ABCA12: variants seen among roughly 807,000 people sequenced by gnomAD.
ABCA12 encodes the protein ATP binding cassette subfamily A member 12.
A neutral mutation model predicts 293.5 loss-of-function variants in ABCA12; 156 were observed. The ratio of observed to expected loss-of-function variants is 0.53; its 90% CI spans 0.47 to 0.61. The LOEUF (loss-of-function observed/expected upper bound fraction) is 0.61. Ranked by LOEUF, ABCA12 falls within the 20% of genes least tolerant of loss-of-function variation. The probability of loss-of-function intolerance (pLI) is 0.00; values close to 1 mark genes in which losing one functional copy is unlikely to be tolerated. For missense variants in ABCA12, 2,797 were observed against 3,090.2 expected, an observed-to-expected ratio of 0.91 and a Z score of 2.25; for synonymous variants, 1,063 against 1,108.0, an observed-to-expected ratio of 0.96 and a Z score of 0.81.
At chr2:215,090,481 T>C (rs1380329094) in intron 2 of ABCA12, among the ~76,000 whole-genome samples, 1 of 152,178 alleles carries the variant, frequency 6.6e-6, no homozygotes, top group Non-Finnish European at 1.5e-5. Flanking sequence ...CTCTAACCTC[T>C]CTTGCTATCC....
intron 2 of ABCA12, among the ~76,000 whole-genome samples, chr2:215,086,208 T>C (rs970823759): frequency 8.5e-5 from 13 of 152,220 alleles, no homozygotes; most frequent in African/African-American, 3.1e-4. Flanking sequence ...TACAATGGGT[T>C]AAGTACATTA....
At chr2:214,942,349 A>G (rs2105916805) in intron 50 of ABCA12, among the ~76,000 whole-genome samples, 1 of 152,306 alleles carries the variant, frequency 6.6e-6, no homozygotes, top group Admixed American at 6.5e-5. Context: ...AAAAGTATAA[A>G]ATATTCTGAA....
At chr2:214,991,136 G>A in intron 23 of ABCA12, 105 bp from the exon 24 acceptor site, 1 of 1,005,704 alleles carries the variant, frequency 9.9e-7, no homozygotes, top group Non-Finnish European at 1.5e-6. Flanking sequence ...TCTGTATATG[G>A]AACTAGGCAT....
At chr2:215,016,135 C>A (rs550010280) in intron 14 of ABCA12, among the ~76,000 whole-genome samples, 101 of 151,736 alleles carry the variant, frequency 6.7e-4, no homozygotes, top group African/African-American at 2.3e-3. Flanking sequence ...CAGGGTGAGA[C>A]TCTGTCTCAA....
rs1455398829 is a variant in ABCA12 at position 215,104,764 on chromosome 2, A to AGAAG, written c.163+6832_163+6833insCTTC. On this transcript the variant is annotated intron_variant, in intron 2 of 52. Transcript: ENST00000272895. ...CAAGAAGCAGGCTGTTAATGCTCCT[A>AGAAG]CACAAAAAATCTCTCCTACATATTT... Among the ~76,000 whole-genome samples the AGAAG allele has an allele frequency of 3.3e-5, 5 of 152,312 alleles. No homozygotes were observed. In the East Asian group the frequency reaches 9.6e-4, roughly 29 times the overall value.
intron 41 of ABCA12, among the ~76,000 whole-genome samples, chr2:214,957,064 C>T (rs1056341450): frequency 6.6e-6 from 1 of 152,186 alleles, no homozygotes; most frequent in East Asian, 1.9e-4. Flanking sequence ...TGGGATGGTT[C>T]AGTGACAGAG....
chr2:214,980,499 G>A lies in ABCA12; in HGVS notation c.4724C>T (p.Thr1575Met), dbSNP rs778387070. ...KEAFGDGYHL[T>M]LTKKKSPNLN... ...CATTCCTACCTTCTTCTTGGTAAGC[G>A]TGAGGTGATACCCATCGCCAAAGGC... Residue 1575 changes from threonine (T) to methionine (M), a missense_variant, in exon 31 of 53, where the codon ACG becomes ATG. Around this residue, in one of 3 missense-constraint regions of ABCA12, gnomAD observed 2,130 missense variants for 2,427.0 expected, o/e 0.88. Coordinates refer to ENST00000272895, the MANE Select transcript of ABCA12 (RefSeq NM_173076.3). The A allele has an allele frequency of 3.3e-5, 54 of 1,613,524 alleles. No homozygotes were observed. The highest frequency in any genetic ancestry group is 6.7e-5 in the East Asian group (3 of 44,874).
Position 214,947,550 on chromosome 2 carries a change from G to A in ABCA12, c.7111C>T (p.His2371Tyr). The A allele has an allele frequency of 6.2e-7, 1 of 1,613,622 alleles. No homozygotes were observed. Among genetic ancestry groups the A allele is most frequent in the Non-Finnish European group, 8.5e-7 (1 of 1,179,820 alleles). Residue 2371 changes from histidine to tyrosine, a missense_variant, in exon 48 of 53, where the codon CAT becomes TAT. His to Tyr is a moderately conservative substitution (Grantham distance 83). Around this residue, in one of 3 missense-constraint regions of ABCA12, gnomAD observed 2,130 missense variants for 2,427.0 expected, o/e 0.88. Transcript: ENST00000272895. ...AGGTGAAGTCTCCTAAGGAGTTTATGAACAGTCTGTAGGCAATAAAAGGGG... is the reference window on the plus strand; with the variant it reads ...AGGTGAAGTCTCCTAAGGAGTTTATAAACAGTCTGTAGGCAATAAAAGGGG... Reference protein sequence around the residue: ...IPEKDIKETVHKLLRRLHLMP... With the variant: ...IPEKDIKETVYKLLRRLHLMP...
At position 214,945,038 on chromosome 2, in the gene ABCA12, C is replaced by T. The variant is rs771756451; in HGVS notation, c.7306G>A (p.Val2436Ile). The part of the protein sequence containing the change: ...RHLWKIISEE[V>I]QNKCSVILTS... ...AGGATGACGGAACATTTGTTCTGTA[C>T]TTCTTCTGAAATGATCTTCCAGAGG... Residue 2436 changes from valine (V) to isoleucine (I), a missense_variant, in exon 49 of 53, where the codon GTA (valine) becomes ATA (isoleucine). Coordinates refer to ENST00000272895, the MANE Select transcript of ABCA12 (RefSeq NM_173076.3). 1 of 1,613,744 alleles carries T rather than the reference C, an allele frequency of 6.2e-7. No homozygotes were observed. Among genetic ancestry groups the T allele is most frequent in the South Asian group, 1.1e-5 (1 of 91,058 alleles).
chr2:215,113,443 G>A lies in ABCA12; in HGVS notation c.70-1753C>T, dbSNP rs141047131. Among the ~76,000 whole-genome samples, 266 of 152,286 alleles carry A rather than the reference G, an allele frequency of 1.7e-3. 1 individual carries two copies. The highest frequency in any genetic ancestry group is 6.2e-3 in the African/African-American group (258 of 41,562). On this transcript the variant is annotated intron_variant, in intron 1 of 52. Coordinates refer to ENST00000272895, the MANE Select transcript of ABCA12 (RefSeq NM_173076.3). ...CTAGTGTGGACTTCCAGATCAGTTT[G>A]GGATCTTGTAAACATACAGATTATG...
rs549840682 is a variant in ABCA12 at position 214,953,332 on chromosome 2, A to G, written c.6647+522T>C. On this transcript the variant is annotated intron_variant, in intron 44 of 52. Transcript: ENST00000272895. ...CCATGATGAATAACTTTAAACATAC[A>G]TAAGTAAGTCTGTGTATCTGTGACC... Among the ~76,000 whole-genome samples the G allele has an allele frequency of 8.3e-4, 127 of 152,358 alleles. 1 individual carries two copies. Among genetic ancestry groups the G allele is most frequent in the African/African-American group, 2.9e-3 (121 of 41,592 alleles).
At chr2:215,061,357 A>G (rs1701524180) in intron 3 of ABCA12, among the ~76,000 whole-genome samples, 1 of 152,062 alleles carries the variant, frequency 6.6e-6, no homozygotes. Flanking sequence ...TAGTGACTGC[A>G]GTGTGATCAT....
intron 3 of ABCA12, among the ~76,000 whole-genome samples, chr2:215,058,781 A>AT (rs1331984928): frequency 6.6e-6 from 1 of 151,990 alleles, no homozygotes; most frequent in Admixed American, 6.6e-5. Context: ...ATAGGGCTCT[A>AT]TTTTGGAGTG....
intron 38 of ABCA12, 130 bp downstream of exon 38, chr2:214,968,590 T>C: frequency 1.2e-6 from 1 of 841,356 alleles, no homozygotes; most frequent in Admixed American, 1.9e-5. Flanking sequence ...TTGGAACCAC[T>C]GTGCCCTGGG....
intron 8 of ABCA12, among the ~76,000 whole-genome samples, chr2:215,033,679 T>C (rs186633780): frequency 6.6e-5 from 10 of 152,288 alleles, no homozygotes; most frequent in East Asian, 1.9e-4. Flanking sequence ...CAGTGGCTCA[T>C]GCCTGTAATC....
rs754671769 is a variant in ABCA12 at position 214,978,365 on chromosome 2, T to C, written c.5079A>G (p.Ser1693=). The change falls in exon 33 of 53, where the codon TCA becomes TCG. Residue 1693 remains serine, a synonymous_variant. Transcript: ENST00000272895. ...KIGNSNANGI[S]TPDDLSVSSS... is the part of the protein sequence containing the mutation. ...TGCTCACAGATAAATCGTCAGGAGT[T>C]GAGATGCCATTGGCATTGGAATTCC... 6.2e-7 allele frequency: 1 copy of C among 1,614,020 alleles called. No individual in the cohort carries two copies. The highest frequency in any genetic ancestry group is 8.5e-7 in the Non-Finnish European group (1 of 1,179,936).
intron 52 of ABCA12, 122 bp from the exon 53 acceptor site, chr2:214,932,863 C>T (rs2105905737): frequency 4.1e-6 from 3 of 730,492 alleles, no homozygotes; most frequent in Non-Finnish European, 4.8e-6. Context: ...TATGTGTATG[C>T]AGGCCCCTAT....
chr2:215,100,265 G>C (rs1702330437), intron 2 of ABCA12, among the ~76,000 whole-genome samples: 1 of 152,072 alleles, frequency 6.6e-6, no homozygotes, highest in African/African-American at 2.4e-5. Flanking sequence ...ACTTTGGCTA[G>C]ACTAGTCTAC....
intron 2 of ABCA12, among the ~76,000 whole-genome samples, chr2:215,108,835 C>T (rs1475304596): frequency 2.0e-5 from 3 of 152,012 alleles, no homozygotes; most frequent in East Asian, 1.9e-4. Context: ...TTTGGGAGGC[C>T]GAGGCGGTGG....
Sources: allele counts gnomAD v4.1 joint callset (sites outside exome capture counted in the v4.1 genomes callset), GRCh38; gene constraint gnomAD v4.1.1; regional missense constraint gnomAD v4.1.1; transcripts MANE v1.5; gene names NCBI Gene and HGNC (gene_info 2026-07-23, HGNC 2026-07-21).